The following STRADB variants were observed in gnomAD, a reference collection of about 807,000 sequenced individuals.
STRADB encodes the protein STE20 related adaptor beta.
A neutral mutation model predicts 52.1 loss-of-function variants in STRADB; 34 were observed. That is an observed-to-expected ratio of 0.65 (90% CI 0.50 to 0.87). STRADB has a LOEUF of 0.87. STRADB is among the 40% of genes least tolerant of loss of function. The probability of loss-of-function intolerance (pLI) is 0.00; values close to 1 mark genes in which losing one functional copy is unlikely to be tolerated. For missense variants in STRADB, 340 were observed against 483.9 expected, an observed-to-expected ratio of 0.70 and a Z score of 2.79; for synonymous variants, 133 against 174.5, an observed-to-expected ratio of 0.76 and a Z score of 1.87.
rs767664971 is a variant in STRADB, at chr2:201,475,568, A to T, written c.425-51A>T. 7.5e-6 allele frequency: 12 copies of T among 1,610,052 alleles called. 2 individuals are homozygous for T. In the South Asian group the frequency reaches 1.3e-4, roughly 18 times the overall value. On this transcript the variant is annotated intron_variant, in intron 6 of 11. Coordinates refer to ENST00000194530, the MANE Select transcript of STRADB (RefSeq NM_018571.6). ...GAAAAGAACATTAAAATACAGCTGG[A>T]AGCAAAATCACTTTCAATGTTCATC...
intron 3 of STRADB, among the ~76,000 whole-genome samples, chr2:201,468,726 G>A (rs941141393): frequency 1.3e-5 from 2 of 152,106 alleles, no homozygotes; most frequent in Admixed American, 6.6e-5. Context: ...TGAATTATAA[G>A]CCTTAGCTCA....
In STRADB at chr2:201,472,994, G is replaced by A. The variant is rs771728565; in HGVS notation, c.233G>A (p.Arg78Gln). 5.0e-6 allele frequency: 8 copies of A among 1,611,720 alleles called. No individual in the cohort carries two copies. Among genetic ancestry groups the A allele is most frequent in the African/African-American group, 2.7e-5 (2 of 74,654 alleles). The change falls in exon 5 of 12, where the codon CGG (arginine) becomes CAG (glutamine). Residue 78 changes from arginine (R) to glutamine (Q), a missense_variant. Arg to Gln is a conservative substitution (Grantham distance 43). Coordinates refer to ENST00000194530, the MANE Select transcript of STRADB (RefSeq NM_018571.6). ...AACTTGACTTCTGTCCATCTTGCAC[G>A]GCATACTCCCACAGGAACACTGGTA... ...FDNLTSVHLA[R>Q]HTPTGTLVTI... is the part of the protein sequence containing the mutation.
intron 7 of STRADB, among the ~76,000 whole-genome samples, chr2:201,476,096 A>G (rs968422300): frequency 6.6e-6 from 1 of 152,200 alleles, no homozygotes; most frequent in African/African-American, 2.4e-5. Context: ...AAGCAAATGA[A>G]GAGCTTCATT....
rs930872009 is a variant in STRADB at position 201,480,623 on chromosome 2, G to A, written c.*448G>A. The A allele has an allele frequency of 1.8e-5, 18 of 988,890 alleles. No individual in the cohort carries two copies. The highest frequency in any genetic ancestry group is 2.2e-5 in the Non-Finnish European group (18 of 831,856). 61.3% of individuals were successfully genotyped at this position (988,890 alleles called of 1,614,324 possible). On this transcript the variant is annotated 3_prime_UTR_variant, in exon 12 of 12. Coordinates refer to ENST00000194530, the MANE Select transcript of STRADB (RefSeq NM_018571.6). ...TTATCTTACATCAGACCCTTTTCTGGTAGAGGGAAAATGTTTGTGCTTTCC... is the reference window on the plus strand; with the variant it reads ...TTATCTTACATCAGACCCTTTTCTGATAGAGGGAAAATGTTTGTGCTTTCC...
chr2:201,480,725 C>G lies in STRADB; in HGVS notation c.*550C>G, dbSNP rs999250275. On this transcript the variant is annotated 3_prime_UTR_variant, in exon 12 of 12. Coordinates refer to ENST00000194530, the MANE Select transcript of STRADB (RefSeq NM_018571.6). ...TTAAATGATTCACTTGAAATATATA[C>G]AGAAATTGTAATTTGCTTTTTTTTA... The G allele has an allele frequency of 4.7e-5, 46 of 984,606 alleles. No individual in the cohort carries two copies. In the African/African-American group the frequency reaches 7.5e-4, roughly 16 times the overall value. The allele number at this position is 984,606 out of a possible 1,614,324, so 61.0% of individuals were successfully genotyped here. A position where few individuals can be genotyped will look rare whatever the true frequency, so the allele number is the denominator to read the frequency against.
rs533377402 is a variant in STRADB at position 201,479,897 on chromosome 2, A to G, written c.1114-135A>G. 4.7e-4 allele frequency: 489 copies of G among 1,046,474 alleles called. 2 individuals are homozygous for G. In the African/African-American group the frequency reaches 7.5e-3, roughly 16 times the overall value. The allele number at this position is 1,046,474 out of a possible 1,614,324, so 64.8% of individuals were successfully genotyped here. A position where few individuals can be genotyped will look rare whatever the true frequency, so the allele number is the denominator to read the frequency against. Reference sequence around the variant, plus strand: ...CCTGTTTTCAGATGACCAGAATCAAAGGCAGTTTTAGGGGAAATACCTGAA... The same window carrying G: ...CCTGTTTTCAGATGACCAGAATCAAGGGCAGTTTTAGGGGAAATACCTGAA... On this transcript the variant is annotated intron_variant, in intron 11 of 11. Coordinates refer to ENST00000194530, the MANE Select transcript of STRADB (RefSeq NM_018571.6).
chr2:201,461,256 A>T (rs1952211504), intron 3 of STRADB, among the ~76,000 whole-genome samples: 1 of 152,160 alleles, frequency 6.6e-6, no homozygotes, highest in Non-Finnish European at 1.5e-5. Flanking sequence ...TGGTGTAATC[A>T]TAGCTCACAG....
chr2:201,458,342 T>C (rs1358821536), intron 2 of STRADB, among the ~76,000 whole-genome samples: 1 of 152,216 alleles, frequency 6.6e-6, no homozygotes, highest in East Asian at 1.9e-4. Flanking sequence ...TCACTCAATA[T>C]GTGGCTTAAT....
intron 6 of STRADB, among the ~76,000 whole-genome samples, 172 bp from the exon 7 acceptor site, chr2:201,475,447 T>C (rs539371045): frequency 6.6e-6 from 1 of 152,174 alleles, no homozygotes; most frequent in South Asian, 2.1e-4. Context: ...TTACAAAAAA[T>C]TGTTTAAAGA....
In STRADB at chr2:201,452,166, G is replaced by A. The variant is rs543627686; in HGVS notation, c.-96+228G>A. Among the ~76,000 whole-genome samples, 1,042 of 152,024 alleles carry A rather than the reference G, an allele frequency of 6.9e-3. 6 individuals are homozygous for A. Among genetic ancestry groups the A allele is most frequent in the Middle Eastern group, 0.01 (3 of 292 alleles). On this transcript the variant is annotated intron_variant, in intron 1 of 11. Transcript: ENST00000194530. The stretch of plus-strand genomic sequence containing the variant: ...TCGGGCTCAGCGGGGCCCGGGCCGC[G>A]GGTTCGCAGCCCGCCCAGTGGTGCC...
chr2:201,456,693 A>G (rs1952133046), intron 2 of STRADB, among the ~76,000 whole-genome samples: 1 of 152,248 alleles, frequency 6.6e-6, no homozygotes, highest in African/African-American at 2.4e-5. Flanking sequence ...GCTGTTTTCA[A>G]AGGAGCAGCA....
In STRADB at chr2:201,451,853, C is replaced by T. The variant is rs1952046343; in HGVS notation, c.-181C>T. On this transcript the variant is annotated 5_prime_UTR_variant, in exon 1 of 12. Coordinates refer to ENST00000194530, the MANE Select transcript of STRADB (RefSeq NM_018571.6). ...GAGCGGGCCTAGAGCGCTCGCCTCGCCCCTCCGCGAGCAGGGCTCTGGCGC... is the reference window on the plus strand; with the variant it reads ...GAGCGGGCCTAGAGCGCTCGCCTCGTCCCTCCGCGAGCAGGGCTCTGGCGC... 6.6e-6 allele frequency: 1 copy of T among 152,296 alleles called. No individual in the cohort carries two copies. Among genetic ancestry groups the T allele is most frequent in the Non-Finnish European group, 1.5e-5 (1 of 68,222 alleles). 9.4% of individuals were successfully genotyped at this position (152,296 alleles called of 1,614,324 possible). A position where few individuals can be genotyped will look rare whatever the true frequency, so the allele number is the denominator to read the frequency against.
In STRADB at chr2:201,468,918, A is replaced by G. The variant is rs1334789485; in HGVS notation, c.94-1035A>G. Among the ~76,000 whole-genome samples the G allele has an allele frequency of 3.3e-5, 5 of 152,380 alleles. No homozygotes were observed. The East Asian group carries it at 9.6e-4, about 29-fold the overall frequency. The stretch of plus-strand genomic sequence containing the variant: ...TTGTAAAGAGGCAGAAAAAAAGAGA[A>G]ACTAAATTGCTTTATTTTGATTTGT... On this transcript the variant is annotated intron_variant, in intron 3 of 11. Coordinates refer to ENST00000194530, the MANE Select transcript of STRADB (RefSeq NM_018571.6).
At chr2:201,467,466 G>C (rs1952321752) in intron 3 of STRADB, among the ~76,000 whole-genome samples, 1 of 152,112 alleles carries the variant, frequency 6.6e-6, no homozygotes, top group South Asian at 2.1e-4. Context: ...GAGGCAGCTT[G>C]ATGCCTGAGC....
intron 1 of STRADB, among the ~76,000 whole-genome samples, chr2:201,454,212 G>T (rs936498770): frequency 2.6e-4 from 40 of 152,138 alleles, no homozygotes; most frequent in Non-Finnish European, 1.2e-4. Context: ...TTCCTAGTCT[G>T]TTATTCTGAT....
Position 201,474,774 on chromosome 2 carries a change from A to C in STRADB, c.424+19A>C, listed in dbSNP as rs369164713. ...GCCTATGGTAAGAATGCTGGTTTTA[A>C]ATAAATTAACTTAGCCTAGATGTTA... On this transcript the variant is annotated intron_variant, in intron 6 of 11. Transcript: ENST00000194530. The C allele has an allele frequency of 4.0e-4, 619 of 1,560,518 alleles. No individual in the cohort carries two copies. The highest frequency in any genetic ancestry group is 5.2e-4 in the Non-Finnish European group (597 of 1,142,202).
At chr2:201,479,210 TA>T in intron 10 of STRADB, 1 of 321,208 alleles carries the variant, frequency 3.1e-6, no homozygotes, top group Non-Finnish European at 5.7e-6. Context: ...GTTAAGACTC[TA>T]AGTAGTATAA....
chr2:201,467,932 C>T (rs1440905895), intron 3 of STRADB, among the ~76,000 whole-genome samples: 1 of 151,104 alleles, frequency 6.6e-6, no homozygotes, highest in Non-Finnish European at 1.5e-5. Context: ...AGTCATAAAC[C>T]TGGTATCCTC....
rs1952517261 is a variant in STRADB, at chr2:201,478,534, T to C, written c.1003T>C (p.Ser335Pro). 2 of 1,613,992 alleles carry C rather than the reference T, an allele frequency of 1.2e-6. No individual in the cohort carries two copies. The highest frequency in any genetic ancestry group is 1.7e-6 in the Non-Finnish European group (2 of 1,179,984). The change falls in exon 10 of 12, where the codon TCA becomes CCA. Residue 335 changes from serine to proline, a missense_variant. Ser to Pro is a moderately conservative substitution (Grantham distance 74). Coordinates refer to ENST00000194530, the MANE Select transcript of STRADB (RefSeq NM_018571.6). ...TAGTGACCGATTACACACACCATCC[T>C]CAAAAACTTTCTCTCCTGCCTTCTT... ...VNSDRLHTPS[S>P]KTFSPAFFSL...
Sources: gnomAD v4.1 joint callset for allele counts (sites outside exome capture counted in the v4.1 genomes callset) on GRCh38, gnomAD v4.1.1 for gene constraint, MANE v1.5 for transcripts, NCBI Gene and HGNC (gene_info 2026-07-23, HGNC 2026-07-21) for gene names.